MDM4: variants seen among roughly 807,000 people sequenced by gnomAD.
The protein encoded by MDM4 is MDM4 regulator of p53.
A neutral mutation model predicts 60.2 loss-of-function variants in MDM4; 2 were observed. The ratio of observed to expected loss-of-function variants is 0.03; its 90% CI spans 0.01 to 0.10. The LOEUF is 0.10. MDM4 is among the 10% of genes least tolerant of loss of function. The pLI, the probability that MDM4 is intolerant of heterozygous loss-of-function variation, is 1.00. For missense variants in MDM4, 447 were observed against 577.5 expected (o/e 0.77, Z 2.32); for synonymous variants, 202 against 198.1 (o/e 1.02, Z -0.17).
rs186193880 is a variant in MDM4, at chr1:204,529,858, A to G, written c.154-826A>G. Among the ~76,000 whole-genome samples, 103 of 152,280 alleles carry G rather than the reference A, an allele frequency of 6.8e-4. 2 individuals are homozygous for G. In the East Asian group the frequency reaches 0.018, roughly 26 times the overall value. ...TGAACCTTGACTCTATCTATTGCAT[A>G]AAGGGAATTTCCTGATTTTTATTAT... On this transcript the variant is annotated intron_variant, in intron 3 of 10. Coordinates refer to ENST00000367182, the MANE Select transcript of MDM4 (RefSeq NM_002393.5).
Position 204,554,548 on chromosome 1 carries a change from G to T in MDM4, c.*4866G>T, listed in dbSNP as rs1572539079. The T allele has an allele frequency of 1.1e-4, 25 of 225,432 alleles. No homozygotes were observed. In the East Asian group the frequency reaches 1.5e-3, roughly 14 times the overall value. The allele number at this position is 225,432 out of a possible 1,614,324, so 14.0% of individuals were successfully genotyped here. A position where few individuals can be genotyped will look rare whatever the true frequency, so the allele number is the denominator to read the frequency against. ...AATTTACAGTGTTTACAAATGTCTG[G>T]AATTTTGCACTGCCATAGGGAATGT... On this transcript the variant is annotated 3_prime_UTR_variant, in exon 11 of 11. Transcript: ENST00000367182.
At chr1:204,528,904 G>A (rs1660542687) in intron 3 of MDM4, 1 of 1,594,088 alleles carries the variant, frequency 6.3e-7, no homozygotes. Context: ...ATGTTGCCTT[G>A]TACAGCTGTG....
At chr1:204,526,112 T>C (rs1660111220) in intron 2 of MDM4, among the ~76,000 whole-genome samples, 1 of 152,034 alleles carries the variant, frequency 6.6e-6, no homozygotes, top group Admixed American at 6.6e-5. Context: ...AAAAATTACC[T>C]GGATATGGTG....
At chr1:204,546,652 C>G (rs1662691813) in intron 9 of MDM4, 145 bp from the exon 10 acceptor site, 1 of 570,632 alleles carries the variant, frequency 1.8e-6, no homozygotes, top group Admixed American at 3.4e-5. Flanking sequence ...TGTGTTTGGT[C>G]TTGCATTTAA....
intron 7 of MDM4, 121 bp from the exon 8 acceptor site, chr1:204,542,663 T>C: frequency 8.1e-6 from 6 of 736,256 alleles, no homozygotes; most frequent in Non-Finnish European, 1.2e-5. Context: ...TCTGGTTCTT[T>C]CTTTCTTAGA....
At chr1:204,519,050 G>T (rs946552998) in intron 1 of MDM4, among the ~76,000 whole-genome samples, 4 of 152,142 alleles carry the variant, frequency 2.6e-5, no homozygotes, top group Admixed American at 6.6e-5. Flanking sequence ...AACTCACAGT[G>T]CTCCAAATGA....
At chr1:204,525,121 A>G (rs1035284611) in intron 1 of MDM4, among the ~76,000 whole-genome samples, 3 of 152,248 alleles carry the variant, frequency 2.0e-5, no homozygotes, top group Non-Finnish European at 4.4e-5. Context: ...TTACCTTGGT[A>G]AATCCCCAGT....
At position 204,552,358 on chromosome 1, in the gene MDM4, T is replaced by C. The variant is rs976659701; in HGVS notation, c.*2676T>C. ...TTTTTTTTTTGAGACAGTCTCACTCTGTTGCCCAGGCTGGAGTGCAATGGC... is the reference window on the plus strand; with the variant it reads ...TTTTTTTTTTGAGACAGTCTCACTCCGTTGCCCAGGCTGGAGTGCAATGGC... On this transcript the variant is annotated 3_prime_UTR_variant, in exon 11 of 11. Coordinates refer to ENST00000367182, the MANE Select transcript of MDM4 (RefSeq NM_002393.5). The C allele has an allele frequency of 3.6e-5, 5 of 138,096 alleles. No individual in the cohort carries two copies. Among genetic ancestry groups the C allele is most frequent in the African/African-American group, 1.3e-4 (5 of 38,630 alleles). The allele number at this position is 138,096 out of a possible 1,614,324, so 8.6% of individuals were successfully genotyped here. A position where few individuals can be genotyped will look rare whatever the true frequency, so the allele number is the denominator to read the frequency against.
chr1:204,525,623 T>C, intron 2 of MDM4, 27 bp downstream of exon 2: 3 of 1,464,596 alleles, frequency 2.0e-6, no homozygotes, highest in South Asian at 1.2e-5. Flanking sequence ...ATTTCTAGTT[T>C]TTTGGTTTTT....
chr1:204,518,737 C>T (rs1306820628), intron 1 of MDM4, among the ~76,000 whole-genome samples: 1 of 152,214 alleles, frequency 6.6e-6, no homozygotes, highest in Non-Finnish European at 1.5e-5. Flanking sequence ...ATGATCTTGG[C>T]TCACTGCAAC....
rs1375146512 is a variant in MDM4, at chr1:204,554,342, G to C, written c.*4660G>C. ...ATTTAGTCAGTTATCTGCTTAAATT[G>C]TTCAGAACTATATCCTAACGAGCAA... On this transcript the variant is annotated 3_prime_UTR_variant, in exon 11 of 11. Coordinates refer to ENST00000367182, the MANE Select transcript of MDM4 (RefSeq NM_002393.5). 1 of 225,408 alleles carries C rather than the reference G, an allele frequency of 4.4e-6. No homozygotes were observed. Among genetic ancestry groups the C allele is most frequent in the African/African-American group, 2.2e-5 (1 of 44,888 alleles). 14.0% of individuals were successfully genotyped at this position (225,408 alleles called of 1,614,324 possible).
At position 204,542,227 on chromosome 1, in the gene MDM4, G is replaced by A. The variant is rs530966503; in HGVS notation, c.512-557G>A. 3.3e-5 allele frequency among the ~76,000 whole-genome samples: 5 copies of A among 152,286 alleles called. No homozygotes were observed. In the East Asian group the frequency reaches 7.7e-4, roughly 23 times the overall value. ...GTGGTTGTTACCTACTAAAACATACGAATTATTGAGAATTGACCCAGAATA... is the reference window on the plus strand; with the variant it reads ...GTGGTTGTTACCTACTAAAACATACAAATTATTGAGAATTGACCCAGAATA... On this transcript the variant is annotated intron_variant, in intron 7 of 10. Transcript: ENST00000367182.
intron 2 of MDM4, among the ~76,000 whole-genome samples, chr1:204,525,900 C>A (rs1316904232): frequency 2.6e-5 from 4 of 152,032 alleles, no homozygotes; most frequent in African/African-American, 9.7e-5. Context: ...TGATCACAAC[C>A]AGTGCACCCC....
rs966114574 is a variant in MDM4 at position 204,555,083 on chromosome 1, C to A, written c.*5401C>A. ...GAAATCCAAGATGCTGCTTCCCCTG[C>A]AGGTTGTTTTCCTTCTTACGATCCT... On this transcript the variant is annotated 3_prime_UTR_variant, in exon 11 of 11. Coordinates refer to ENST00000367182, the MANE Select transcript of MDM4 (RefSeq NM_002393.5). 52 of 209,954 alleles carry A rather than the reference C, an allele frequency of 2.5e-4. No individual in the cohort carries two copies. The highest frequency in any genetic ancestry group is 1.5e-3 in the Admixed American group (26 of 16,926). 13.0% of individuals were successfully genotyped at this position (209,954 alleles called of 1,614,324 possible).
chr1:204,556,926 G>A lies in MDM4; in HGVS notation c.*7244G>A, dbSNP rs529829729. On this transcript the variant is annotated 3_prime_UTR_variant, in exon 11 of 11. Coordinates refer to ENST00000367182, the MANE Select transcript of MDM4 (RefSeq NM_002393.5). ...TGAATATGACTTTCTTTAGTCTCTA[G>A]CTATGCACTATTAAGTGCCTCTTGG... 4.8e-6 allele frequency: 1 copy of A among 208,760 alleles called. No individual in the cohort carries two copies. The highest frequency in any genetic ancestry group is 1.9e-4 in the South Asian group (1 of 5,298). The allele number at this position is 208,760 out of a possible 1,614,324, so 12.9% of individuals were successfully genotyped here.
In MDM4 at chr1:204,549,336, C is replaced by G. The variant is rs777416962; in HGVS notation, c.1127C>G (p.Ala376Gly). 3 of 1,613,976 alleles carry G rather than the reference C, an allele frequency of 1.9e-6. No homozygotes were observed. The highest frequency in any genetic ancestry group is 2.2e-5 in the South Asian group (2 of 91,070). ...ISAPVVRPKD[A>G]YIKKENSKLF... ...GCTCCTGTCGTTAGACCTAAAGATG[C>G]GTATATAAAGAAAGAAAACTCCAAA... Residue 376 changes from alanine to glycine, a missense_variant, in exon 11 of 11, where the codon GCG becomes GGG. Coordinates refer to ENST00000367182, the MANE Select transcript of MDM4 (RefSeq NM_002393.5).
chr1:204,520,507 G>A (rs1294846943), intron 1 of MDM4, among the ~76,000 whole-genome samples: 1 of 152,006 alleles, frequency 6.6e-6, no homozygotes, highest in Non-Finnish European at 1.5e-5. Context: ...TATTATTGCA[G>A]GAAGGCAGCA....
intron 1 of MDM4, among the ~76,000 whole-genome samples, chr1:204,523,473 ATTTTTT>A (rs60954516): frequency 4.2e-4 from 25 of 58,950 alleles, no homozygotes; most frequent in African/African-American, 1.6e-3. Context: ...CCTAAAAAAA[ATTTTTT>A]TTTTTTTTTT....
rs1230406654 is a variant in MDM4, at chr1:204,556,658, T to G, written c.*6976T>G. On this transcript the variant is annotated 3_prime_UTR_variant, in exon 11 of 11. Transcript: ENST00000367182. Reference sequence around the variant, plus strand: ...TTGCAGTGAGCTGAGATGGCACCACTGCAATCCAAGGTGGGTGACAGAGAC... The same window carrying G: ...TTGCAGTGAGCTGAGATGGCACCACGGCAATCCAAGGTGGGTGACAGAGAC... 1 of 207,572 alleles carries G rather than the reference T, an allele frequency of 4.8e-6. No homozygotes were observed. Among genetic ancestry groups the G allele is most frequent in the Non-Finnish European group, 9.8e-6 (1 of 101,958 alleles). 12.9% of individuals were successfully genotyped at this position (207,572 alleles called of 1,614,324 possible).
Sources: gnomAD v4.1 joint callset for allele counts (sites outside exome capture counted in the v4.1 genomes callset) on GRCh38, gnomAD v4.1.1 for gene constraint, MANE v1.5 for transcripts, NCBI Gene and HGNC (gene_info 2026-07-23, HGNC 2026-07-21) for gene names.